HINT2: variants seen among roughly 807,000 people sequenced by gnomAD.
HINT2 encodes adenosine 5'-monophosphoramidase HINT2.
Under a neutral mutation model 20.0 loss-of-function variants are expected in HINT2, and 17 were observed. The observed-to-expected ratio is 0.85, with a 90% CI of 0.58 to 1.27. HINT2 has a LOEUF of 1.27. Among genes scored for constraint, HINT2 ranks in the 50% most tolerant of loss-of-function variants. The probability of loss-of-function intolerance (pLI) is 0.00; values close to 1 mark genes in which losing one functional copy is unlikely to be tolerated. For synonymous variants in HINT2, 96 were observed against 84.2 expected (o/e 1.14, Z -0.77); for missense variants, 217 against 211.9 (o/e 1.02, Z -0.15).
Position 35,813,154 on chromosome 9 carries a change from G to C in HINT2, c.401-9C>G. The C allele has an allele frequency of 6.2e-7, 1 of 1,614,122 alleles. No homozygotes were observed. ...CTTCCCATCGTTGATCACTGAAATT[G>C]AGCTTGGGGTTAGGGAGTCAGGATC... On this transcript the variant is annotated splice_polypyrimidine_tract_variant and intron_variant, in intron 4 of 4. Transcript: ENST00000259667.
chr9:35,814,802 G>A (rs1828976543), intron 1 of HINT2, 97 bp downstream of exon 1: 1 of 1,082,912 alleles, frequency 9.2e-7, no homozygotes, highest in Non-Finnish European at 1.3e-6. Context: ...GCCACAGGCA[G>A]GAGCTCTGCG....
upstream of HINT2, chr9:35,815,055 C>A (rs1040445448): frequency 5.4e-6 from 7 of 1,287,352 alleles, no homozygotes; most frequent in South Asian, 1.8e-5. Flanking sequence ...GGACTCCGGG[C>A]GCGGGGAAGC....
At chr9:35,815,046 G>C (rs959237958), upstream of HINT2, 2 of 1,312,660 alleles carry the variant, frequency 1.5e-6, no homozygotes, top group Non-Finnish European at 2.0e-6. Flanking sequence ...CGTGGGTGGG[G>C]ACTCCGGGCG....
chr9:35,814,836 C>T, intron 1 of HINT2, 63 bp downstream of exon 1: 1 of 1,380,014 alleles, frequency 7.2e-7, no homozygotes. Context: ...CTTCGGGACC[C>T]CCTGGCCCCG....
At chr9:35,814,811 C>A (rs1828977446) in intron 1 of HINT2, 88 bp downstream of exon 1, 6 of 1,172,576 alleles carry the variant, frequency 5.1e-6, no homozygotes, top group African/African-American at 1.6e-5. Flanking sequence ...AGGAGCTCTG[C>A]GCGGCTCTGC....
chr9:35,813,361 T>G, intron 3 of HINT2, 23 bp from the exon 4 acceptor site: 2 of 1,611,028 alleles, frequency 1.2e-6, no homozygotes, highest in Non-Finnish European at 1.7e-6. Flanking sequence ...CGGAGGGACA[T>G]AGGTGGCTTC....
upstream of HINT2, chr9:35,815,069 G>A (rs1466394668): frequency 9.9e-6 from 12 of 1,208,966 alleles, no homozygotes; most frequent in African/African-American, 1.6e-5. Context: ...GGGAAGCGGG[G>A]TAGTGGCGGC....
intron 4 of HINT2, 53 bp downstream of exon 4, chr9:35,813,213 G>A: frequency 6.2e-7 from 1 of 1,611,704 alleles, no homozygotes; most frequent in Admixed American, 1.7e-5. Context: ...ATCATATTGA[G>A]AAGTAGGAAT....
chr9:35,815,359 C>T (rs4879929), upstream of HINT2: 135,777 of 177,152 alleles, frequency 0.77, 55,570 homozygotes, highest in Middle Eastern at 0.91. Flanking sequence ...TGATACACAA[C>T]TCTGGCTTCT....
upstream of HINT2, chr9:35,815,381 C>T (rs1452722821): frequency 1.2e-5 from 2 of 163,660 alleles, no homozygotes; most frequent in Admixed American, 1.3e-4. Flanking sequence ...GGTTGCGGCT[C>T]CCGAGTGGGT....
intron 2 of HINT2, 41 bp from the exon 3 acceptor site, chr9:35,813,590 G>A (rs2132124591): frequency 6.2e-7 from 1 of 1,613,976 alleles, no homozygotes; most frequent in South Asian, 1.1e-5. Flanking sequence ...TACTTCAACA[G>A]GTTGGATGGT....
chr9:35,814,064 G>T, intron 1 of HINT2: 1 of 375,792 alleles, frequency 2.7e-6, no homozygotes, highest in Non-Finnish European at 4.8e-6. Flanking sequence ...GAGAGACTGG[G>T]GATTTTGGTC....
chr9:35,815,181 G>A, upstream of HINT2: 1 of 477,074 alleles, frequency 2.1e-6, no homozygotes, highest in Non-Finnish European at 3.6e-6. Context: ...CTCATTGGCT[G>A]CTTCTACCAA....
Position 35,813,100 on chromosome 9 carries a change from T to C in HINT2, c.446A>G (p.His149Arg). 6.2e-7 allele frequency: 1 copy of C among 1,614,206 alleles called. No individual in the cohort carries two copies. Residue 149 changes from histidine to arginine, a missense_variant, in exon 5 of 5, where the codon CAC (histidine) becomes CGC (arginine). Transcript: ENST00000259667. ...KLGAQSVYHLHIHVLGGRQLQ... is the reference protein window; with the variant it reads ...KLGAQSVYHLRIHVLGGRQLQ... ...CTGCCGGCCCCCAAGTACATGAATGTGCAGATGATACACAGATTGTGCACC... is the reference window on the plus strand; with the variant it reads ...CTGCCGGCCCCCAAGTACATGAATGCGCAGATGATACACAGATTGTGCACC...
Position 35,814,990 on chromosome 9 carries a change from C to T in HINT2, c.-11G>A, listed in dbSNP as rs1028617349. 6.9e-6 allele frequency: 10 copies of T among 1,454,644 alleles called. No individual in the cohort carries two copies. The East Asian group carries it at 2.1e-4, about 31-fold the overall frequency. 90.1% of individuals were successfully genotyped at this position (1,454,644 alleles called of 1,614,324 possible). ...CACGGCTGCCGCCATCTTCCCTGAG[C>T]CGCGGGAACCTCTCACCCGGGTCAG... On this transcript the variant is annotated 5_prime_UTR_variant, in exon 1 of 5. Transcript: ENST00000259667.
Position 35,814,985 on chromosome 9 carries a change from C to G in HINT2, c.-6G>C. 1.4e-6 allele frequency: 2 copies of G among 1,460,420 alleles called. No homozygotes were observed. Among genetic ancestry groups the G allele is most frequent in the Non-Finnish European group, 1.8e-6 (2 of 1,112,928 alleles). The allele number at this position is 1,460,420 out of a possible 1,614,324, so 90.5% of individuals were successfully genotyped here. On this transcript the variant is annotated 5_prime_UTR_variant, in exon 1 of 5. Transcript: ENST00000259667. The stretch of plus-strand genomic sequence containing the variant: ...AGCACCACGGCTGCCGCCATCTTCC[C>G]TGAGCCGCGGGAACCTCTCACCCGG...
chr9:35,814,937 G>A lies in HINT2; in HGVS notation c.43C>T (p.Arg15Cys), dbSNP rs1452854651. 14 of 1,485,806 alleles carry A rather than the reference G, an allele frequency of 9.4e-6. No individual in the cohort carries two copies. Among genetic ancestry groups the A allele is most frequent in the Non-Finnish European group, 1.2e-5 (13 of 1,125,648 alleles). The allele number at this position is 1,485,806 out of a possible 1,614,324, so 92.0% of individuals were successfully genotyped here. A position where few individuals can be genotyped will look rare whatever the true frequency, so the allele number is the denominator to read the frequency against. Residue 15 changes from arginine to cysteine, a missense_variant, in exon 1 of 5, where the codon CGC becomes TGC. By Grantham distance (180) the Arg-to-Cys change is radical (BLOSUM62 -3). Transcript: ENST00000259667. The part of the protein sequence containing the change: ...VVLAAGLRAA[R>C]RAVAATGVRG... ...ACCCCCGTGGCCGCCACGGCTCTGC[G>A]CGCCGCGCGCAACCCAGCAGCCAGC...
chr9:35,815,294 A>C, upstream of HINT2: 1 of 305,930 alleles, frequency 3.3e-6, no homozygotes. Flanking sequence ...AGAAACTTCC[A>C]CTCCATTGGA....
intron 1 of HINT2, 159 bp from the exon 2 acceptor site, chr9:35,813,943 G>T: frequency 2.7e-6 from 2 of 731,416 alleles, no homozygotes; most frequent in Non-Finnish European, 4.4e-6. Flanking sequence ...GCCAGAAGGT[G>T]CTGGACCTGG....
Sources: gnomAD v4.1 joint callset for allele counts on GRCh38, gnomAD v4.1.1 for gene constraint, MANE v1.5 for transcripts, NCBI Gene and HGNC (gene_info 2026-07-23, HGNC 2026-07-21) for gene names.